GP6: variants seen among roughly 807,000 people sequenced by gnomAD.
GP6 encodes the protein glycoprotein VI platelet, also known as platelet glycoprotein VI.
A neutral mutation model predicts 37.3 loss-of-function variants in GP6; 45 were observed. The ratio of observed to expected loss-of-function variants is 1.21; its 90% CI spans 0.95 to 1.55. The LOEUF (loss-of-function observed/expected upper bound fraction) is 1.55. GP6 is among the 40% of genes most tolerant of loss of function. The probability of loss-of-function intolerance (pLI) is 0.00; values close to 1 mark genes in which losing one functional copy is unlikely to be tolerated. For missense variants in GP6, 813 were observed against 760.2 expected (o/e 1.07, Z -0.82); for synonymous variants, 340 against 316.4 (o/e 1.07, Z -0.79).
chr19:55,015,816 C>T lies in GP6; in HGVS notation c.725-83G>A, dbSNP rs921938791. The T allele has an allele frequency of 1.7e-5, 13 of 781,236 alleles. No individual in the cohort carries two copies. In the African/African-American group the frequency reaches 1.8e-4, roughly 11 times the overall value. The allele number at this position is 781,236 out of a possible 1,614,324, so 48.4% of individuals were successfully genotyped here. ...TGTGCCTACTCCGAACACACACACACATGGGGAGGCACAATTCCACAGCAT... is the reference window on the plus strand; with the variant it reads ...TGTGCCTACTCCGAACACACACACATATGGGGAGGCACAATTCCACAGCAT... On this transcript the variant is annotated intron_variant, in intron 6 of 7. Coordinates refer to ENST00000310373, the MANE Select transcript of GP6 (RefSeq NM_001083899.2).
chr19:55,026,354 T>C (rs1000753751), intron 4 of GP6, among the ~76,000 whole-genome samples: 1 of 152,232 alleles, frequency 6.6e-6, no homozygotes, highest in Non-Finnish European at 1.5e-5. Flanking sequence ...CTCCTCTTTC[T>C]GGCCCTTAAC....
chr19:55,014,412 A>T lies in GP6; in HGVS notation c.1533T>A (p.Leu511=), dbSNP rs1385557758. 1 of 1,613,840 alleles carries T rather than the reference A, an allele frequency of 6.2e-7. No individual in the cohort carries two copies. The highest frequency in any genetic ancestry group is 1.1e-5 in the South Asian group (1 of 91,082). ...TGAATGACATACCCAAACTGCCTGC[A>T]AGACCCGTTCTGAGAGACGAAAGGA... Residue 511 remains leucine, a synonymous_variant, in exon 8 of 8, where the codon CTT becomes CTA. Transcript: ENST00000310373.
chr19:55,037,822 C>T (rs1053514656), intron 1 of GP6, among the ~76,000 whole-genome samples: 19 of 151,710 alleles, frequency 1.3e-4, no homozygotes, highest in Non-Finnish European at 2.5e-4. Context: ...GGGGTTTCAC[C>T]ATGTTGACCA....
At chr19:55,031,015 A>G (rs2074542761) in intron 3 of GP6, among the ~76,000 whole-genome samples, 1 of 151,454 alleles carries the variant, frequency 6.6e-6, no homozygotes, top group African/African-American at 2.4e-5. Context: ...TGCCCCACTA[A>G]TTTTTAATTT....
intron 4 of GP6, among the ~76,000 whole-genome samples, chr19:55,025,939 T>C (rs1224115888): frequency 6.9e-6 from 1 of 145,234 alleles, no homozygotes; most frequent in African/African-American, 2.6e-5. Flanking sequence ...GAGGTGGAGG[T>C]TGCAGTGAAC....
chr19:55,033,230 C>CGTGTT (rs1213424119), intron 1 of GP6, among the ~76,000 whole-genome samples: 3 of 49,034 alleles, frequency 6.1e-5, no homozygotes, highest in Admixed American at 2.6e-4. Flanking sequence ...TGGACTCGTT[C>CGTGTT]GTGTTAGACA....
Position 55,014,918 on chromosome 19 carries a change from C to A in GP6, c.1027G>T (p.Ala343Ser), listed in dbSNP as rs759751882. 1.4e-5 allele frequency: 23 copies of A among 1,613,216 alleles called. No homozygotes were observed. In the East Asian group the frequency reaches 4.5e-4, roughly 31 times the overall value. ...GGATACGACCGTGCCTGGGGTTCAG[C>A]GGTCATGAACATAACCCGCGGCTGT... is the stretch of plus-strand genomic sequence containing the variant. Residue 343 changes from alanine to serine, a missense_variant, in exon 8 of 8, where the codon GCT (alanine) becomes TCT (serine). By Grantham distance (99) the Ala-to-Ser change is moderately conservative. Coordinates refer to ENST00000310373, the MANE Select transcript of GP6 (RefSeq NM_001083899.2).
chr19:55,037,790 C>T (rs1371700763), intron 1 of GP6, among the ~76,000 whole-genome samples: 1 of 150,794 alleles, frequency 6.6e-6, no homozygotes, highest in Non-Finnish European at 1.5e-5. Flanking sequence ...CGCCATCACG[C>T]CCGGCTAATT....
chr19:55,019,107 C>CT (rs538058206), intron 5 of GP6, among the ~76,000 whole-genome samples: 93,860 of 132,790 alleles, frequency 0.71, 33,954 homozygotes, highest in East Asian at 0.81. Context: ...TCTTTTTTTT[C>CT]TTTTTTTTTT....
In GP6 at chr19:55,013,924, T is replaced by C. The variant is rs572797096; in HGVS notation, c.*158A>G. 2 of 385,900 alleles carry C rather than the reference T, an allele frequency of 5.2e-6. No homozygotes were observed. The highest frequency in any genetic ancestry group is 3.9e-5 in the South Asian group (2 of 51,750). 23.9% of individuals were successfully genotyped at this position (385,900 alleles called of 1,614,324 possible). ...AAACGCTATAATAAATATAGAACTT[T>C]ACCTTGAGAAGACCTAACATTTCCT... On this transcript the variant is annotated 3_prime_UTR_variant, in exon 8 of 8. Transcript: ENST00000310373.
rs1568587031 is a variant in GP6, at chr19:55,014,723, TCAGA to T, written c.1218_1221del (p.Cys406Ter). On this transcript the variant is annotated frameshift_variant, in exon 8 of 8. Coordinates refer to ENST00000310373, the MANE Select transcript of GP6 (RefSeq NM_001083899.2). LOFTEE classifies it low-confidence loss of function (END_TRUNC). The stretch of plus-strand genomic sequence containing the variant: ...CTTCCATCCCAAATGGAGGGTGCCC[TCAGA>T]CAGAGAGGCAGACAGACAGACAGAC... The T allele has an allele frequency of 1.9e-6, 3 of 1,613,450 alleles. No homozygotes were observed. The highest frequency in any genetic ancestry group is 1.1e-5 in the South Asian group (1 of 91,016).
At chr19:55,021,362 TCA>T (rs758365486) in intron 5 of GP6, among the ~76,000 whole-genome samples, 4 of 31,906 alleles carry the variant, frequency 1.3e-4, no homozygotes, top group African/African-American at 2.2e-4. Context: ...ATACTACATC[TCA>T]AAAAAAAAAA....
At chr19:55,025,303 C>G in intron 4 of GP6, 32 bp from the exon 5 acceptor site, 2 of 1,424,054 alleles carry the variant, frequency 1.4e-6, no homozygotes, top group East Asian at 2.5e-5. Context: ...TAAATCTGTG[C>G]TCTGTCGCTG....
intron 4 of GP6, among the ~76,000 whole-genome samples, chr19:55,026,690 A>G (rs1437400658): frequency 6.6e-6 from 1 of 152,166 alleles, no homozygotes; most frequent in Non-Finnish European, 1.5e-5. Context: ...GTTCAAGACC[A>G]GCCTGACCAA....
At chr19:55,024,299 T>C (rs1169855274) in intron 5 of GP6, among the ~76,000 whole-genome samples, 7 of 43,252 alleles carry the variant, frequency 1.6e-4, no homozygotes, top group South Asian at 6.0e-4. Context: ...TATGCACGCA[T>C]GCACACACAT....
rs772616628 is a variant in GP6 at position 55,015,066 on chromosome 19, T to C, written c.879A>G (p.Ala293=). ...GTGCCGCAGGCGCTTCCTCCGGCTGTGCCAGTCCTCTGCCAGAAACCCCGC... is the reference window on the plus strand; with the variant it reads ...GTGCCGCAGGCGCTTCCTCCGGCTGCGCCAGTCCTCTGCCAGAAACCCCGC... The change falls in exon 8 of 8, where the codon GCA becomes GCG. Residue 293 remains alanine, a synonymous_variant. Transcript: ENST00000310373. 3.1e-6 allele frequency: 5 copies of C among 1,606,186 alleles called. No individual in the cohort carries two copies. Among genetic ancestry groups the C allele is most frequent in the Non-Finnish European group, 3.4e-6 (4 of 1,176,856 alleles).
In GP6 at chr19:55,014,398, C is replaced by A; in HGVS notation, c.1547G>T (p.Gly516Val). Residue 516 changes from glycine to valine, a missense_variant, in exon 8 of 8, where the codon GGT becomes GTT. By Grantham distance (109) the Gly-to-Val change is moderately radical. Transcript: ENST00000310373. ...TACACTAAGGAAAATGAATGACATA[C>A]CCAAACTGCCTGCAAGACCCGTTCT... 6.2e-7 allele frequency: 1 copy of A among 1,613,652 alleles called. No individual in the cohort carries two copies. Among genetic ancestry groups the A allele is most frequent in the Non-Finnish European group, 8.5e-7 (1 of 1,179,590 alleles).
rs771474989 is a variant in GP6 at position 55,032,728 on chromosome 19, T to C, written c.35-190A>G. On this transcript the variant is annotated intron_variant, in intron 1 of 7. Coordinates refer to ENST00000310373, the MANE Select transcript of GP6 (RefSeq NM_001083899.2). The stretch of plus-strand genomic sequence containing the variant: ...AAAAGCCACATAGTTTATGAGGTCA[T>C]TTACATGAAATATCCAGAATAGGTA... 5.6e-4 allele frequency: 383 copies of C among 687,330 alleles called. 2 individuals are homozygous for C. The highest frequency in any genetic ancestry group is 1.1e-3 in the Middle Eastern group (3 of 2,700). 42.6% of individuals were successfully genotyped at this position (687,330 alleles called of 1,614,324 possible).
At chr19:55,033,274 CGTTCGTGTT>C (rs2074671930) in intron 1 of GP6, among the ~76,000 whole-genome samples, 1 of 74,068 alleles carries the variant, frequency 1.4e-5, no homozygotes, top group African/African-American at 5.8e-5. Flanking sequence ...ACGGTGGACT[CGTTCGTGTT>C]AGACACGGTG....
Sources: allele counts gnomAD v4.1 joint callset (sites outside exome capture counted in the v4.1 genomes callset), GRCh38; gene constraint gnomAD v4.1.1; transcripts MANE v1.5; gene names NCBI Gene and HGNC (gene_info 2026-07-23, HGNC 2026-07-21).